Variants in SCHIP1 observed in about 807,000 individuals in gnomAD.
SCHIP1 encodes the protein schwannomin interacting protein 1, also known as schwannomin-interacting protein 1.
In SCHIP1, 8 loss-of-function variants were observed where a neutral mutation model predicts 29.7. That is an observed-to-expected ratio of 0.27 (90% CI 0.16 to 0.49). The LOEUF is 0.49. SCHIP1 is among the 20% of genes least tolerant of loss of function. SCHIP1 has a pLI of 0.99. For missense variants in SCHIP1, 193 were observed against 294.6 expected, an observed-to-expected ratio of 0.66 and a Z score of 2.52; for synonymous variants, 76 against 94.9, an observed-to-expected ratio of 0.80 and a Z score of 1.16.
the SCHIP1 span, among the ~76,000 whole-genome samples, chr3:159,749,167 G>A: frequency 6.6e-6 from 1 of 151,872 alleles, no homozygotes; most frequent in Non-Finnish European, 1.5e-5. Context: ...CCCAGTTACT[G>A]GGGGAGAGGA....
the SCHIP1 span, among the ~76,000 whole-genome samples, chr3:159,491,319 A>T: frequency 6.6e-6 from 1 of 152,258 alleles, no homozygotes; most frequent in African/African-American, 2.4e-5. Flanking sequence ...CGCCTCACCC[A>T]GGAAGCACAA....
the SCHIP1 span, among the ~76,000 whole-genome samples, chr3:159,596,792 G>T: frequency 6.6e-6 from 1 of 150,672 alleles, no homozygotes; most frequent in Non-Finnish European, 1.5e-5. Context: ...CACACTGGGG[G>T]TGTCATGGGG....
chr3:159,546,233 C>A, the SCHIP1 span, among the ~76,000 whole-genome samples: 1 of 151,918 alleles, frequency 6.6e-6, no homozygotes, highest in South Asian at 2.1e-4. Context: ...CTCATTCTAC[C>A]TCCAGCAAAA....
chr3:159,630,631 T>C, the SCHIP1 span, among the ~76,000 whole-genome samples: 4 of 112,902 alleles, frequency 3.5e-5, no homozygotes. Flanking sequence ...AGCTAAGCTA[T>C]GAGGACACAA....
the SCHIP1 span, among the ~76,000 whole-genome samples, chr3:159,797,513 T>A: frequency 1.2e-4 from 19 of 152,204 alleles, no homozygotes; most frequent in Non-Finnish European, 2.5e-4. Context: ...GTAAATCTAA[T>A]GATTAGAAAA....
At chr3:159,849,772 T>C (rs935999234) in intron 1 of SCHIP1, among the ~76,000 whole-genome samples, 2 of 152,214 alleles carry the variant, frequency 1.3e-5, no homozygotes, top group Non-Finnish European at 2.9e-5. Flanking sequence ...AGACCCTTTT[T>C]TCCTTTTGAA....
At chr3:159,612,727 A>G in the SCHIP1 span, among the ~76,000 whole-genome samples, 1 of 152,232 alleles carries the variant, frequency 6.6e-6, no homozygotes, top group Admixed American at 6.5e-5. Context: ...AGCCTGGGTG[A>G]CAAGAGCGAG....
the SCHIP1 span, among the ~76,000 whole-genome samples, chr3:159,484,575 AC>A: frequency 1.6e-4 from 24 of 152,276 alleles, no homozygotes; most frequent in African/African-American, 4.6e-4. Context: ...TTTTGTCATA[AC>A]CCAAAGAAAA....
chr3:159,569,539 G>A, the SCHIP1 span, among the ~76,000 whole-genome samples: 1 of 152,096 alleles, frequency 6.6e-6, no homozygotes, highest in South Asian at 2.1e-4. Flanking sequence ...GGTGTATTAT[G>A]TGCCACATTT....
the SCHIP1 span, among the ~76,000 whole-genome samples, chr3:159,300,700 G>A: frequency 1.3e-5 from 2 of 152,188 alleles, no homozygotes; most frequent in East Asian, 1.9e-4. Context: ...TTTTGAAAGA[G>A]GCAGTGTGGA....
the SCHIP1 span, among the ~76,000 whole-genome samples, chr3:159,509,622 C>T: frequency 2.6e-5 from 4 of 152,120 alleles, no homozygotes; most frequent in African/African-American, 4.8e-5. Flanking sequence ...TTCCTTTCCA[C>T]GTTTAGTACT....
intron 1 of SCHIP1, among the ~76,000 whole-genome samples, chr3:159,851,849 A>C (rs1712686194): frequency 1.3e-5 from 2 of 152,240 alleles, no homozygotes; most frequent in Non-Finnish European, 2.9e-5. Context: ...AAGACAAGGG[A>C]GATCTCTTCC....
chr3:159,766,607 T>C, the SCHIP1 span, among the ~76,000 whole-genome samples: 1 of 152,210 alleles, frequency 6.6e-6, no homozygotes, highest in African/African-American at 2.4e-5. Context: ...CATTTATACA[T>C]TCCAGGAAAA....
the SCHIP1 span, chr3:159,765,311 C>A: frequency 0.024 from 17,900 of 752,454 alleles, 2,045 homozygotes; most frequent in African/African-American, 0.27. Context: ...TAAGGTTGCT[C>A]GGTCTGTGAG....
At chr3:159,283,547 T>C in the SCHIP1 span, among the ~76,000 whole-genome samples, 11 of 152,164 alleles carry the variant, frequency 7.2e-5, no homozygotes, top group Non-Finnish European at 1.5e-4. Flanking sequence ...TTCGCTCTTG[T>C]TGCTCAGGCT....
At chr3:159,675,858 G>A in the SCHIP1 span, among the ~76,000 whole-genome samples, 485 of 152,326 alleles carry the variant, frequency 3.2e-3, 3 homozygotes, top group African/African-American at 0.011. Context: ...GAGGCCAGGC[G>A]TGGTGGCTCA....
chr3:159,408,328 GAAAT>G, the SCHIP1 span, among the ~76,000 whole-genome samples: 1 of 147,016 alleles, frequency 6.8e-6, no homozygotes, highest in Non-Finnish European at 1.5e-5. Flanking sequence ...AATCAGAGCA[GAAAT>G]AAATTAATTA....
the SCHIP1 span, among the ~76,000 whole-genome samples, chr3:159,649,151 T>C: frequency 1.3e-5 from 2 of 152,088 alleles, no homozygotes; most frequent in Admixed American, 1.3e-4. Flanking sequence ...CAGGAGGTAA[T>C]TTGCCCAATG....
chr3:159,301,858 G>A, the SCHIP1 span, among the ~76,000 whole-genome samples: 269 of 152,186 alleles, frequency 1.8e-3, no homozygotes, highest in Non-Finnish European at 3.2e-3. Flanking sequence ...ATAGGAGAAC[G>A]GACTAATACA....
Sources: gnomAD v4.1 joint callset for allele counts (sites outside exome capture counted in the v4.1 genomes callset) on GRCh38, gnomAD v4.1.1 for gene constraint, MANE v1.5 for transcripts, NCBI Gene and HGNC (gene_info 2026-07-23, HGNC 2026-07-21) for gene names.